Variants in CD79A observed in about 807,000 individuals in gnomAD.
CD79A encodes CD79a molecule.
A neutral mutation model predicts 27.4 loss-of-function variants in CD79A; 16 were observed. That is an observed-to-expected ratio of 0.58 (90% CI 0.40 to 0.89). The LOEUF is 0.89. Ranked by LOEUF, CD79A falls within the 40% of genes least tolerant of loss-of-function variation. The probability of loss-of-function intolerance (pLI) is 0.00; values close to 1 mark genes in which losing one functional copy is unlikely to be tolerated. For missense variants in CD79A, 237 were observed against 299.7 expected (o/e 0.79, Z 1.55); for synonymous variants, 110 against 132.7 (o/e 0.83, Z 1.18).
Position 41,879,320 on chromosome 19 carries a change from A to G in CD79A, c.379+31A>G. ...TGGCCCAGCCCTGGCCCCTACTCCCACTGTCCCGCTGGGGACACTCGGTTT... is the reference window on the plus strand; with the variant it reads ...TGGCCCAGCCCTGGCCCCTACTCCCGCTGTCCCGCTGGGGACACTCGGTTT... On this transcript the variant is annotated intron_variant, in intron 2 of 4. Transcript: ENST00000221972. This position sits in a 1 kb window ranked among gnomAD's most constrained non-coding sequence, Gnocchi z 5.1. The G allele has an allele frequency of 1.3e-6, 2 of 1,598,156 alleles. No homozygotes were observed. Among genetic ancestry groups the G allele is most frequent in the Non-Finnish European group, 1.7e-6 (2 of 1,171,658 alleles).
Position 41,878,921 on chromosome 19 carries a change from C to A in CD79A, c.80-69C>A, listed in dbSNP as rs1359206737. Reference sequence around the variant, plus strand: ...CCTCTTCCCAGGAGTGCTGGAACTGCAGGGGCCAGGGCTGGGGAAATGTGT... The same window carrying A: ...CCTCTTCCCAGGAGTGCTGGAACTGAAGGGGCCAGGGCTGGGGAAATGTGT... On this transcript the variant is annotated intron_variant, in intron 1 of 4. Coordinates refer to ENST00000221972, the MANE Select transcript of CD79A (RefSeq NM_001783.4). This position sits in a 1 kb window ranked among gnomAD's most constrained non-coding sequence, Gnocchi z 4.3. 9 of 1,320,176 alleles carry A rather than the reference C, an allele frequency of 6.8e-6. No homozygotes were observed. The African/African-American group carries it at 1.0e-4, about 15-fold the overall frequency. 81.8% of individuals were successfully genotyped at this position (1,320,176 alleles called of 1,614,324 possible). A position where few individuals can be genotyped will look rare whatever the true frequency, so the allele number is the denominator to read the frequency against.
rs568904515 is a variant in CD79A at position 41,878,339 on chromosome 19, G to A, written c.80-651G>A. 3.3e-4 allele frequency among the ~76,000 whole-genome samples: 50 copies of A among 152,346 alleles called. No individual in the cohort carries two copies. Among genetic ancestry groups the A allele is most frequent in the African/African-American group, 1.1e-3 (44 of 41,580 alleles). On this transcript the variant is annotated intron_variant, in intron 1 of 4. Coordinates refer to ENST00000221972, the MANE Select transcript of CD79A (RefSeq NM_001783.4). The surrounding 1 kb of genome is among the most constrained non-coding windows in gnomAD (Gnocchi z 4.3). ...AGCCCAGGCAGGGAGAGGCCAGGGA[G>A]CCAAGAGTTTGAACCCAGTGCCACT...
At position 41,879,247 on chromosome 19, in the gene CD79A, G is replaced by A. The variant is rs1219765308; in HGVS notation, c.337G>A (p.Glu113Lys). 2.5e-6 allele frequency: 4 copies of A among 1,613,442 alleles called. No individual in the cohort carries two copies. The highest frequency in any genetic ancestry group is 4.5e-5 in the East Asian group (2 of 44,888). The change falls in exon 2 of 5, where the codon GAG becomes AAG. Residue 113 changes from glutamate to lysine, a missense_variant. Coordinates refer to ENST00000221972, the MANE Select transcript of CD79A (RefSeq NM_001783.4). This position sits in a 1 kb window ranked among gnomAD's most constrained non-coding sequence, Gnocchi z 5.1. ...CGTGTGCCGGGTCCAGGAGGGCAAC[G>A]AGTCATACCAGCAGTCCTGCGGCAC... ...IYVCRVQEGN[E>K]SYQQSCGTYL... is the part of the protein sequence containing the mutation.
In CD79A at chr19:41,878,967, C is replaced by T. The variant is rs1555843430; in HGVS notation, c.80-23C>T. ...TGTGTCACCATCCCCAGTCCCTGAC[C>T]CACCCACCCTGTCTCTCCACAGGCC... On this transcript the variant is annotated intron_variant, in intron 1 of 4. Coordinates refer to ENST00000221972, the MANE Select transcript of CD79A (RefSeq NM_001783.4). This position sits in a 1 kb window ranked among gnomAD's most constrained non-coding sequence, Gnocchi z 4.3. 2 of 1,496,374 alleles carry T rather than the reference C, an allele frequency of 1.3e-6. No homozygotes were observed. Among genetic ancestry groups the T allele is most frequent in the Non-Finnish European group, 9.3e-7 (1 of 1,079,998 alleles). The allele number at this position is 1,496,374 out of a possible 1,614,324, so 92.7% of individuals were successfully genotyped here. A position where few individuals can be genotyped will look rare whatever the true frequency, so the allele number is the denominator to read the frequency against.
rs1407625929 is a variant in CD79A, at chr19:41,877,530, T to C, written c.79+147T>C. The C allele has an allele frequency of 9.9e-6, 7 of 706,702 alleles. No homozygotes were observed. The African/African-American group carries it at 1.0e-4, about 11-fold the overall frequency. The allele number at this position is 706,702 out of a possible 1,614,324, so 43.8% of individuals were successfully genotyped here. ...CCAGGGAAGATGCCTATAGAAATCG[T>C]ATCTGTGCCAAGATGGGCCAAGGTG... is the stretch of plus-strand genomic sequence containing the variant. On this transcript the variant is annotated intron_variant, in intron 1 of 4. Coordinates refer to ENST00000221972, the MANE Select transcript of CD79A (RefSeq NM_001783.4). The surrounding 1 kb of genome is among the most constrained non-coding windows in gnomAD (Gnocchi z 4.1).
chr19:41,880,515 G>T, intron 3 of CD79A, among the ~76,000 whole-genome samples, 155 bp from the exon 4 acceptor site: 1 of 149,958 alleles, frequency 6.7e-6, no homozygotes, highest in Middle Eastern at 3.5e-3. Flanking sequence ...GAGAACACTG[G>T]TTGTAGACTC....
chr19:41,878,120 G>A lies in CD79A; in HGVS notation c.79+737G>A, dbSNP rs2074199710. On this transcript the variant is annotated intron_variant, in intron 1 of 4. Coordinates refer to ENST00000221972, the MANE Select transcript of CD79A (RefSeq NM_001783.4). This position sits in a 1 kb window ranked among gnomAD's most constrained non-coding sequence, Gnocchi z 4.3. Reference sequence around the variant, plus strand: ...CCCAGAGGAGCCCGGATTGGACACTGCAGCCAGCCTGAGCCGCCTCGTCTC... The same window carrying A: ...CCCAGAGGAGCCCGGATTGGACACTACAGCCAGCCTGAGCCGCCTCGTCTC... Among the ~76,000 whole-genome samples, 1 of 152,134 alleles carries A rather than the reference G, an allele frequency of 6.6e-6. No individual in the cohort carries two copies. The highest frequency in any genetic ancestry group is 2.4e-5 in the African/African-American group (1 of 41,414).
At position 41,879,506 on chromosome 19, in the gene CD79A, G is replaced by C. The variant is rs1555843680; in HGVS notation, c.380-29G>C. The C allele has an allele frequency of 6.6e-7, 1 of 1,515,158 alleles. No homozygotes were observed. 93.9% of individuals were successfully genotyped at this position (1,515,158 alleles called of 1,614,324 possible). A position where few individuals can be genotyped will look rare whatever the true frequency, so the allele number is the denominator to read the frequency against. On this transcript the variant is annotated intron_variant, in intron 2 of 4. Coordinates refer to ENST00000221972, the MANE Select transcript of CD79A (RefSeq NM_001783.4). This position sits in a 1 kb window ranked among gnomAD's most constrained non-coding sequence, Gnocchi z 5.1. The stretch of plus-strand genomic sequence containing the variant: ...AGGCTAGGGAGGGCAAGAGGGGCCA[G>C]GGCTCTGAGCCATACTACCTCCTTG...
At chr19:41,880,495 AG>A in intron 3 of CD79A, among the ~76,000 whole-genome samples, 174 bp from the exon 4 acceptor site, 3 of 149,980 alleles carry the variant, frequency 2.0e-5, no homozygotes, top group South Asian at 2.1e-4. Context: ...GAAGGAAGGA[AG>A]GAAGGAAGGA....
rs782346265 is a variant in CD79A, at chr19:41,879,142, CCT to C, written c.233_234del (p.Pro78ArgfsTer103). 4 of 1,613,992 alleles carry C rather than the reference CCT, an allele frequency of 2.5e-6. No homozygotes were observed. Among genetic ancestry groups the C allele is most frequent in the Non-Finnish European group, 3.4e-6 (4 of 1,180,030 alleles). On this transcript the variant is annotated frameshift_variant, in exon 2 of 5. Coordinates refer to ENST00000221972, the MANE Select transcript of CD79A (RefSeq NM_001783.4). LOFTEE classifies it high-confidence loss of function. The surrounding 1 kb of genome is among the most constrained non-coding windows in gnomAD (Gnocchi z 5.1). ...RVLHGNYTWPPEFLGPGEDPN... is the reference protein window; with the variant it reads ...RVLHGNYTWPXEFLGPGEDPN... ...CCTCCATGGCAACTACACGTGGCCC[CCT>C]GAGTTCTTGGGCCCGGGCGAGGACC...
Position 41,879,622 on chromosome 19 carries a change from C to T in CD79A, c.467C>T (p.Ala156Val), listed in dbSNP as rs202097187. The T allele has an allele frequency of 3.2e-5, 51 of 1,611,218 alleles. No individual in the cohort carries two copies. The Admixed American group carries it at 6.2e-4, about 20-fold the overall frequency. The change falls in exon 3 of 5, where the codon GCG becomes GTG. Residue 156 changes from alanine (A) to valine (V), a missense_variant. Ala to Val is a moderately conservative substitution (Grantham distance 64, BLOSUM62 0). Transcript: ENST00000221972. The surrounding 1 kb of genome is among the most constrained non-coding windows in gnomAD (Gnocchi z 5.1). ...GAGGGGATCATCCTCCTGTTCTGCG[C>T]GGTGGTGCCTGGGACGCTGCTGCTG... ...TAEGIILLFC[A>V]VVPGTLLLFR...
rs1555843657 is a variant in CD79A, at chr19:41,879,453, G to A, written c.380-82G>A. The A allele has an allele frequency of 1.6e-6, 2 of 1,246,560 alleles. No homozygotes were observed. The highest frequency in any genetic ancestry group is 1.5e-5 in the African/African-American group (1 of 67,974). 77.2% of individuals were successfully genotyped at this position (1,246,560 alleles called of 1,614,324 possible). On this transcript the variant is annotated intron_variant, in intron 2 of 4. Transcript: ENST00000221972. This position sits in a 1 kb window ranked among gnomAD's most constrained non-coding sequence, Gnocchi z 5.1. ...AGAGTGGGGTCTCTGGGGGGTCTGG[G>A]GCCTTGCAGGAGGTGGGCGGGGCCA...
At position 41,878,876 on chromosome 19, in the gene CD79A, C is replaced by A; in HGVS notation, c.80-114C>A. 1 of 811,922 alleles carries A rather than the reference C, an allele frequency of 1.2e-6. No homozygotes were observed. The allele number at this position is 811,922 out of a possible 1,614,324, so 50.3% of individuals were successfully genotyped here. On this transcript the variant is annotated intron_variant, in intron 1 of 4. Coordinates refer to ENST00000221972, the MANE Select transcript of CD79A (RefSeq NM_001783.4). This position sits in a 1 kb window ranked among gnomAD's most constrained non-coding sequence, Gnocchi z 4.3. The stretch of plus-strand genomic sequence containing the variant: ...TGTCAGGGGCTCTCTCTCTCCCTCC[C>A]CACCCAGGAGAGTCCTCACCCTCTT...
In CD79A at chr19:41,880,943, G is replaced by A. The variant is rs1555844150; in HGVS notation, c.644G>A (p.Ser215Asn). Reference sequence around the variant, plus strand: ...CAGGGCACCTACCAGGATGTGGGCAGCCTCAACATAGGAGATGTCCAGCTG... The same window carrying A: ...CAGGGCACCTACCAGGATGTGGGCAACCTCAACATAGGAGATGTCCAGCTG... ...GLQGTYQDVG[S>N]LNIGDVQLEK... is the part of the protein sequence containing the mutation. Residue 215 changes from serine (S) to asparagine (N), a missense_variant, in exon 5 of 5, where the codon AGC becomes AAC. Transcript: ENST00000221972. 2 of 1,595,512 alleles carry A rather than the reference G, an allele frequency of 1.3e-6. No homozygotes were observed. The highest frequency in any genetic ancestry group is 1.7e-6 in the Non-Finnish European group (2 of 1,172,154).
intron 3 of CD79A, 23 bp from the exon 4 acceptor site, chr19:41,880,647 A>ACC: frequency 5.6e-6 from 3 of 535,722 alleles, no homozygotes; most frequent in Non-Finnish European, 1.1e-5. Flanking sequence ...TCACTGAGGC[A>ACC]CCCACCCCAC....
At position 41,878,969 on chromosome 19, in the gene CD79A, AC is replaced by A; in HGVS notation, c.80-18del. 2.9e-6 allele frequency: 2 copies of A among 696,570 alleles called. No individual in the cohort carries two copies. Among genetic ancestry groups the A allele is most frequent in the Non-Finnish European group, 4.9e-6 (2 of 406,200 alleles). The allele number at this position is 696,570 out of a possible 1,614,324, so 43.1% of individuals were successfully genotyped here. A position where few individuals can be genotyped will look rare whatever the true frequency, so the allele number is the denominator to read the frequency against. ...TGTCACCATCCCCAGTCCCTGACCC[AC>A]CCACCCTGTCTCTCCACAGGCCCTG... On this transcript the variant is annotated intron_variant, in intron 1 of 4. Transcript: ENST00000221972. The surrounding 1 kb of genome is among the most constrained non-coding windows in gnomAD (Gnocchi z 4.3).
chr19:41,878,471 T>G lies in CD79A; in HGVS notation c.80-519T>G, dbSNP rs1269864502. 2.0e-5 allele frequency among the ~76,000 whole-genome samples: 3 copies of G among 151,946 alleles called. No homozygotes were observed. The highest frequency in any genetic ancestry group is 7.2e-5 in the African/African-American group (3 of 41,446). On this transcript the variant is annotated intron_variant, in intron 1 of 4. Transcript: ENST00000221972. This position sits in a 1 kb window ranked among gnomAD's most constrained non-coding sequence, Gnocchi z 4.3. Reference sequence around the variant, plus strand: ...GAACCTACTTCTAGGGTTCTGTGAATGATTACACAAGAAAAAGCGCCAGGT... The same window carrying G: ...GAACCTACTTCTAGGGTTCTGTGAAGGATTACACAAGAAAAAGCGCCAGGT...
chr19:41,879,740 G>C lies in CD79A; in HGVS notation c.498+87G>C. The C allele has an allele frequency of 1.2e-6, 1 of 837,472 alleles. No individual in the cohort carries two copies. The highest frequency in any genetic ancestry group is 1.4e-5 in the South Asian group (1 of 70,882). 51.9% of individuals were successfully genotyped at this position (837,472 alleles called of 1,614,324 possible). A position where few individuals can be genotyped will look rare whatever the true frequency, so the allele number is the denominator to read the frequency against. ...CCCAGGTAGCCCTCTAGAGCCTGAG[G>C]TTCCCCATCCAAAACTTGGGAGAAT... On this transcript the variant is annotated intron_variant, in intron 3 of 4. Transcript: ENST00000221972. This position sits in a 1 kb window ranked among gnomAD's most constrained non-coding sequence, Gnocchi z 5.1.
At position 41,878,209 on chromosome 19, in the gene CD79A, A is replaced by G. The variant is rs1411840823; in HGVS notation, c.80-781A>G. 5.3e-5 allele frequency among the ~76,000 whole-genome samples: 8 copies of G among 152,110 alleles called. No homozygotes were observed. Among genetic ancestry groups the G allele is most frequent in the Non-Finnish European group, 1.2e-4 (8 of 68,012 alleles). On this transcript the variant is annotated intron_variant, in intron 1 of 4. Coordinates refer to ENST00000221972, the MANE Select transcript of CD79A (RefSeq NM_001783.4). The surrounding 1 kb of genome is among the most constrained non-coding windows in gnomAD (Gnocchi z 4.3). Reference sequence around the variant, plus strand: ...CCTTCAATCACCAGCAGCCCAGCCCAAGGACTGAACTCACCCCTGACCCCT... The same window carrying G: ...CCTTCAATCACCAGCAGCCCAGCCCGAGGACTGAACTCACCCCTGACCCCT...
Sources: gnomAD v4.1 joint callset for allele counts (sites outside exome capture counted in the v4.1 genomes callset) on GRCh38, gnomAD v4.1.1 for gene constraint, Gnocchi (gnomAD v3.1) non-coding constraint, MANE v1.5 for transcripts, NCBI Gene and HGNC (gene_info 2026-07-23, HGNC 2026-07-21) for gene names.